GPR39: variants seen among roughly 807,000 people sequenced by gnomAD.
GPR39 encodes G protein-coupled receptor 39.
Under a neutral mutation model 18.4 loss-of-function variants are expected in GPR39, and 23 were observed. The observed-to-expected ratio is 1.25, with a 90% CI of 0.90 to 1.77. GPR39 has a LOEUF of 1.77. GPR39 is among the 40% of genes most tolerant of loss of function. The probability of loss-of-function intolerance (pLI) is 0.00; values close to 1 mark genes in which losing one functional copy is unlikely to be tolerated. For synonymous variants in GPR39, 280 were observed against 257.9 expected, an observed-to-expected ratio of 1.09 and a Z score of -0.82; for missense variants, 647 against 602.4, an observed-to-expected ratio of 1.07 and a Z score of -0.78.
chr2:132,635,754 G>T (rs1419988611), intron 1 of GPR39, among the ~76,000 whole-genome samples: 2 of 152,178 alleles, frequency 1.3e-5, no homozygotes, highest in Non-Finnish European at 2.9e-5. Flanking sequence ...AAATCTGACT[G>T]TATTTGGGGA....
chr2:132,492,847 C>T (rs1431933718), intron 1 of GPR39, among the ~76,000 whole-genome samples: 8 of 137,856 alleles, frequency 5.8e-5, no homozygotes, highest in African/African-American at 2.2e-4. Flanking sequence ...ACCATATATA[C>T]ACCATATATA....
rs571548013 is a variant in GPR39, at chr2:132,605,682, A to G, written c.857-39419A>G. ...GCATTCCTGGGTGAGGACGGATGCT[A>G]TTTGGCAGTGGGATTTAATGAATCC... On this transcript the variant is annotated intron_variant, in intron 1 of 1. Coordinates refer to ENST00000329321, the MANE Select transcript of GPR39 (RefSeq NM_001508.3). Among the ~76,000 whole-genome samples the G allele has an allele frequency of 3.9e-5, 6 of 152,166 alleles. No homozygotes were observed. In the South Asian group the frequency reaches 1.0e-3, roughly 26 times the overall value.
At chr2:132,434,012 A>G (rs573148757) in intron 1 of GPR39, among the ~76,000 whole-genome samples, 1 of 152,148 alleles carries the variant, frequency 6.6e-6, no homozygotes, top group Non-Finnish European at 1.5e-5. Context: ...GGCTTAAGAA[A>G]TGACAAGATA....
At chr2:132,435,756 G>A (rs556512488) in intron 1 of GPR39, among the ~76,000 whole-genome samples, 53 of 152,084 alleles carry the variant, frequency 3.5e-4, no homozygotes, top group Non-Finnish European at 5.7e-4. Context: ...ATTTTCTCGT[G>A]TAAAGCTTGA....
intron 1 of GPR39, among the ~76,000 whole-genome samples, chr2:132,444,078 A>G (rs902105756): frequency 6.6e-6 from 1 of 152,200 alleles, no homozygotes; most frequent in African/African-American, 2.4e-5. Flanking sequence ...CTCTCTCAAA[A>G]AAATGGTCAT....
chr2:132,509,020 C>G (rs1490175223), intron 1 of GPR39, among the ~76,000 whole-genome samples: 1 of 152,172 alleles, frequency 6.6e-6, no homozygotes, highest in Non-Finnish European at 1.5e-5. Flanking sequence ...TCCAGAGAGG[C>G]CAGGCTGTGC....
chr2:132,458,125 CT>C (rs969360983), intron 1 of GPR39, among the ~76,000 whole-genome samples: 93 of 152,298 alleles, frequency 6.1e-4, no homozygotes, highest in African/African-American at 2.2e-3. Flanking sequence ...AGCTCACCCT[CT>C]GTGGGCTGCA....
intron 1 of GPR39, among the ~76,000 whole-genome samples, chr2:132,522,962 G>T (rs1573644889): frequency 6.6e-6 from 1 of 152,120 alleles, no homozygotes; most frequent in Non-Finnish European, 1.5e-5. Flanking sequence ...TGTGCATGTG[G>T]CTACTGGAAG....
intron 1 of GPR39, among the ~76,000 whole-genome samples, chr2:132,552,090 A>G (rs1433647093): frequency 1.3e-5 from 2 of 152,360 alleles, no homozygotes; most frequent in South Asian, 2.1e-4. Context: ...AAAAAAATAT[A>G]TCTATACTGA....
intron 1 of GPR39, among the ~76,000 whole-genome samples, chr2:132,631,936 C>T (rs187130245): frequency 6.6e-6 from 1 of 152,090 alleles, no homozygotes; most frequent in East Asian, 1.9e-4. Context: ...AATCCTCCCA[C>T]CTCAGCCTCT....
In GPR39 at chr2:132,516,018, G is replaced by A. The variant is rs911452076; in HGVS notation, c.856+98120G>A. Among the ~76,000 whole-genome samples, 67 of 151,970 alleles carry A rather than the reference G, an allele frequency of 4.4e-4. 2 individuals carry two copies. Among genetic ancestry groups the A allele is most frequent in the Non-Finnish European group, 5.9e-5 (4 of 68,018 alleles). ...TCCTGTTAATCTGTCTCCTGTTATC[G>A]GAGTCCCAGCCATCAGCCTTGCAGT... On this transcript the variant is annotated intron_variant, in intron 1 of 1. Coordinates refer to ENST00000329321, the MANE Select transcript of GPR39 (RefSeq NM_001508.3).
chr2:132,468,767 G>A (rs1460936768), intron 1 of GPR39, among the ~76,000 whole-genome samples: 1 of 152,188 alleles, frequency 6.6e-6, no homozygotes, highest in African/African-American at 2.4e-5. Flanking sequence ...GCAGTCACTG[G>A]TGCAGGTCGT....
intron 1 of GPR39, among the ~76,000 whole-genome samples, chr2:132,576,696 C>G (rs1382528464): frequency 3.3e-5 from 5 of 152,040 alleles, no homozygotes; most frequent in Non-Finnish European, 7.4e-5. Flanking sequence ...GCCCTCAGTC[C>G]TGAACATTTT....
chr2:132,630,205 ATG>A (rs1435886947), intron 1 of GPR39, among the ~76,000 whole-genome samples: 1 of 152,170 alleles, frequency 6.6e-6, no homozygotes, highest in Non-Finnish European at 1.5e-5. Context: ...CTGGCTAATT[ATG>A]TCCAAGTACA....
chr2:132,439,903 C>G (rs1680403161), intron 1 of GPR39, among the ~76,000 whole-genome samples: 2 of 152,200 alleles, frequency 1.3e-5, no homozygotes, highest in East Asian at 3.9e-4. Flanking sequence ...CAGTTTCTCA[C>G]AGCATGCCCA....
At chr2:132,445,705 G>T (rs1680522557) in intron 1 of GPR39, among the ~76,000 whole-genome samples, 1 of 152,010 alleles carries the variant, frequency 6.6e-6, no homozygotes, top group South Asian at 2.1e-4. Flanking sequence ...TCACTAATTT[G>T]TTCCCAGAGA....
chr2:132,510,017 T>C (rs1445909300), intron 1 of GPR39, among the ~76,000 whole-genome samples: 2 of 152,182 alleles, frequency 1.3e-5, no homozygotes, highest in Non-Finnish European at 2.9e-5. Context: ...GCAGTAACTT[T>C]AATATTTTCA....
intron 1 of GPR39, among the ~76,000 whole-genome samples, chr2:132,436,262 A>G (rs4260295): frequency 0.42 from 63,526 of 151,924 alleles, 14,892 homozygotes; most frequent in African/African-American, 0.65. Context: ...ATTATTGGCC[A>G]AGGCAATCGA....
intron 1 of GPR39, among the ~76,000 whole-genome samples, chr2:132,567,030 G>T (rs929663332): frequency 6.6e-6 from 1 of 152,180 alleles, no homozygotes; most frequent in African/African-American, 2.4e-5. Flanking sequence ...CAAAGTAACA[G>T]TATTAAGAAG....
Sources: gnomAD v4.1 joint callset for allele counts (sites outside exome capture counted in the v4.1 genomes callset) on GRCh38, gnomAD v4.1.1 for gene constraint, MANE v1.5 for transcripts, NCBI Gene and HGNC (gene_info 2026-07-23, HGNC 2026-07-21) for gene names.